MBD2: variants seen among roughly 807,000 people sequenced by gnomAD.
The protein encoded by MBD2 is methyl-CpG-binding domain protein 2.
MBD2 carries 9 observed loss-of-function variants against 39.3 expected under a neutral mutation model. The ratio of observed to expected loss-of-function variants is 0.23; its 90% CI spans 0.14 to 0.40. The LOEUF (loss-of-function observed/expected upper bound fraction) is 0.40, where lower values mean the gene tolerates loss of function less well. MBD2 is among the 10% of genes least tolerant of loss of function. MBD2 has a pLI of 1.00. For synonymous variants in MBD2, 233 were observed against 211.1 expected (o/e 1.10, Z -0.90); for missense variants, 458 against 532.6 (o/e 0.86, Z 1.38).
intron 5 of MBD2, among the ~76,000 whole-genome samples, chr18:54,160,937 G>T (rs2086092650): frequency 6.6e-6 from 1 of 151,008 alleles, no homozygotes; most frequent in Non-Finnish European, 1.5e-5. Flanking sequence ...CAGACAGGGA[G>T]ATGAAGATGC....
At chr18:54,172,731 C>A (rs984686677) in intron 3 of MBD2, among the ~76,000 whole-genome samples, 1 of 152,172 alleles carries the variant, frequency 6.6e-6, no homozygotes, top group Non-Finnish European at 1.5e-5. Flanking sequence ...GAATATCTAA[C>A]TTATTAGCAG....
chr18:54,209,297 CA>C (rs34165824), intron 1 of MBD2, among the ~76,000 whole-genome samples: 1,112 of 67,608 alleles, frequency 0.016, 4 homozygotes, highest in East Asian at 0.069. Context: ...ACTCCATCTC[CA>C]AAAAAAAAAA....
At chr18:54,203,721 TG>T (rs1568090282) in intron 2 of MBD2, among the ~76,000 whole-genome samples, 2 of 152,016 alleles carry the variant, frequency 1.3e-5, no homozygotes, top group African/African-American at 4.8e-5. Flanking sequence ...CCTCAGAAAA[TG>T]TAACATGACA....
chr18:54,174,384 C>A (rs991540819), intron 3 of MBD2, among the ~76,000 whole-genome samples: 1 of 152,144 alleles, frequency 6.6e-6, no homozygotes, highest in African/African-American at 2.4e-5. Context: ...AAAGAAGGGC[C>A]CCTGCCAGCA....
At chr18:54,180,542 T>C (rs2086243454) in intron 3 of MBD2, among the ~76,000 whole-genome samples, 1 of 152,132 alleles carries the variant, frequency 6.6e-6, no homozygotes, top group South Asian at 2.1e-4. Context: ...GAGAACTATG[T>C]AGTCACCTAT....
At chr18:54,176,202 C>T (rs570460314) in intron 3 of MBD2, among the ~76,000 whole-genome samples, 2 of 152,312 alleles carry the variant, frequency 1.3e-5, no homozygotes, top group African/African-American at 4.8e-5. Flanking sequence ...TGATAGAAAG[C>T]GCTGGTTTGG....
intron 1 of MBD2, among the ~76,000 whole-genome samples, chr18:54,207,613 G>T (rs1225110221): frequency 6.6e-6 from 1 of 152,118 alleles, no homozygotes; most frequent in Non-Finnish European, 1.5e-5. Flanking sequence ...ATATGGCAAA[G>T]AATTTTTAAA....
chr18:54,186,709 C>T (rs189787417), intron 3 of MBD2, among the ~76,000 whole-genome samples: 1 of 152,292 alleles, frequency 6.6e-6, no homozygotes, highest in Non-Finnish European at 1.5e-5. Flanking sequence ...CAATCAAAAG[C>T]ATCCAGCAAA....
intron 1 of MBD2, among the ~76,000 whole-genome samples, chr18:54,219,243 T>A (rs1427610521): frequency 6.6e-6 from 1 of 152,212 alleles, no homozygotes; most frequent in East Asian, 1.9e-4. Context: ...ACACTGATGA[T>A]GAAAATTAGA....
At chr18:54,209,085 A>C (rs1486937482) in intron 1 of MBD2, among the ~76,000 whole-genome samples, 2 of 152,156 alleles carry the variant, frequency 1.3e-5, no homozygotes, top group Non-Finnish European at 2.9e-5. Flanking sequence ...GCCCGAGCTC[A>C]GGAGTTTGAG....
At chr18:54,196,967 T>C (rs985215417) in intron 2 of MBD2, among the ~76,000 whole-genome samples, 3 of 152,228 alleles carry the variant, frequency 2.0e-5, no homozygotes, top group African/African-American at 4.8e-5. Flanking sequence ...AGTACTATTA[T>C]TAATAGCTAA....
chr18:54,217,596 A>T lies in MBD2; in HGVS notation c.542+6422T>A, dbSNP rs760378893. 4.6e-5 allele frequency among the ~76,000 whole-genome samples: 7 copies of T among 152,344 alleles called. No homozygotes were observed. In the South Asian group the frequency reaches 1.2e-3, roughly 27 times the overall value. On this transcript the variant is annotated intron_variant, in intron 1 of 6. Transcript: ENST00000256429. ...GATTTTAAACATGAGTAAAAAAGTTATGAATTTCTATGAGCCCCACTATAG... is the reference window on the plus strand; with the variant it reads ...GATTTTAAACATGAGTAAAAAAGTTTTGAATTTCTATGAGCCCCACTATAG...
At chr18:54,163,221 G>T (rs2086109136) in intron 5 of MBD2, among the ~76,000 whole-genome samples, 1 of 152,136 alleles carries the variant, frequency 6.6e-6, no homozygotes, top group Non-Finnish European at 1.5e-5. Context: ...GCAGTGAGCT[G>T]AGTTTGTGCC....
Position 54,224,256 on chromosome 18 carries a change from T to C in MBD2, c.304A>G (p.Ser102Gly). ...CCGCCGCCGTCGCCGCCAAGGCCGC[T>C]GCCGCCACTCGGGGGACGGCCGCGG... ...RGRGRPPSGG[S>G]GLGGDGGGCG... The change falls in exon 1 of 7, where the codon AGC becomes GGC. Residue 102 changes from serine to glycine, a missense_variant. Physicochemically the swap from Ser to Gly is moderately conservative, Grantham distance 56. Coordinates refer to ENST00000256429, the MANE Select transcript of MBD2 (RefSeq NM_003927.5). 1 of 962,994 alleles carries C rather than the reference T, an allele frequency of 1.0e-6. No homozygotes were observed. The highest frequency in any genetic ancestry group is 1.2e-6 in the Non-Finnish European group (1 of 812,882). 59.7% of individuals were successfully genotyped at this position (962,994 alleles called of 1,614,324 possible).
At chr18:54,223,983 A>AAC in intron 1 of MBD2, 35 bp downstream of exon 1, 9 of 745,308 alleles carry the variant, frequency 1.2e-5, no homozygotes, top group East Asian at 3.7e-5. Context: ...CCCCGGCCTG[A>AAC]CCCCGCCACC....
intron 1 of MBD2, among the ~76,000 whole-genome samples, chr18:54,219,789 T>A (rs2086594790): frequency 6.6e-6 from 1 of 151,730 alleles, no homozygotes; most frequent in Non-Finnish European, 1.5e-5. Context: ...TAGCAACAAA[T>A]GGCACACACA....
At chr18:54,181,079 G>C (rs1350832409) in intron 3 of MBD2, among the ~76,000 whole-genome samples, 1 of 151,920 alleles carries the variant, frequency 6.6e-6, no homozygotes, top group Non-Finnish European at 1.5e-5. Context: ...ATTTTTAGTA[G>C]AGATGCGTTT....
At chr18:54,187,256 T>C (rs768392046) in intron 3 of MBD2, among the ~76,000 whole-genome samples, 4 of 152,204 alleles carry the variant, frequency 2.6e-5, no homozygotes, top group Non-Finnish European at 5.9e-5. Context: ...TCTGATCTCA[T>C]AAGGAAACTC....
At chr18:54,210,351 T>C (rs1342432916) in intron 1 of MBD2, among the ~76,000 whole-genome samples, 2 of 152,212 alleles carry the variant, frequency 1.3e-5, no homozygotes, top group African/African-American at 4.8e-5. Flanking sequence ...CTCACTTTAA[T>C]TTAGTGGTAC....
Sources: gnomAD v4.1 joint callset for allele counts (sites outside exome capture counted in the v4.1 genomes callset) on GRCh38, gnomAD v4.1.1 for gene constraint, MANE v1.5 for transcripts, NCBI Gene and HGNC (gene_info 2026-07-23, HGNC 2026-07-21) for gene names.